Variants in NSUN6 observed in about 807,000 individuals in gnomAD.
The protein encoded by NSUN6 is tRNA (cytosine(72)-C(5))-methyltransferase NSUN6.
NSUN6 carries 64 observed loss-of-function variants against 58.0 expected under a neutral mutation model. That is an observed-to-expected ratio of 1.10 (90% confidence interval 0.90 to 1.36). The LOEUF (loss-of-function observed/expected upper bound fraction) is 1.36. Ranked by LOEUF, NSUN6 falls within the 40% of genes most tolerant of loss-of-function variation. The pLI, the probability that NSUN6 is intolerant of heterozygous loss-of-function variation, is 0.00. For missense variants in NSUN6, 701 were observed against 550.1 expected, an observed-to-expected ratio of 1.27 and a Z score of -2.74; for synonymous variants, 231 against 193.9, an observed-to-expected ratio of 1.19 and a Z score of -1.59.
intron 6 of NSUN6, among the ~76,000 whole-genome samples, chr10:18,604,226 T>C (rs1329664453): frequency 6.6e-6 from 1 of 152,160 alleles, no homozygotes; most frequent in African/African-American, 2.4e-5. Flanking sequence ...AAGTGATAGA[T>C]GACAGGTGAG....
chr10:18,603,447 T>C (rs2057924401), intron 6 of NSUN6, among the ~76,000 whole-genome samples: 1 of 151,994 alleles, frequency 6.6e-6, no homozygotes, highest in Admixed American at 6.6e-5. Context: ...TCCTGAACTA[T>C]ATGCACGCTC....
intron 8 of NSUN6, among the ~76,000 whole-genome samples, chr10:18,578,336 C>T (rs1336312165): frequency 1.3e-5 from 2 of 149,558 alleles, no homozygotes; most frequent in African/African-American, 2.5e-5. Flanking sequence ...TGGGTTCAAG[C>T]GATTCTGCTC....
At chr10:18,604,202 G>C (rs2057961373) in intron 6 of NSUN6, among the ~76,000 whole-genome samples, 1 of 152,112 alleles carries the variant, frequency 6.6e-6, no homozygotes, top group African/African-American at 2.4e-5. Flanking sequence ...AGACTTGTTA[G>C]AAGTATCACT....
intron 3 of NSUN6, among the ~76,000 whole-genome samples, chr10:18,628,997 C>G (rs1020308858): frequency 1.3e-5 from 2 of 152,062 alleles, no homozygotes; most frequent in African/African-American, 4.8e-5. Context: ...TTCAGGGCAG[C>G]CAGAGAGAAA....
At chr10:18,563,996 A>G (rs1056563691) in intron 8 of NSUN6, among the ~76,000 whole-genome samples, 4 of 147,590 alleles carry the variant, frequency 2.7e-5, no homozygotes, top group African/African-American at 1.0e-4. Flanking sequence ...TCCATTCTCC[A>G]TTCCACTGCA....
chr10:18,651,752 C>G (rs920310863), upstream of NSUN6: 9 of 985,392 alleles, frequency 9.1e-6, no homozygotes, highest in African/African-American at 5.2e-5. Flanking sequence ...GTTCCTAACC[C>G]TGCGTGAGGC....
chr10:18,630,902 A>T (rs1189541866), intron 3 of NSUN6, among the ~76,000 whole-genome samples: 1 of 152,054 alleles, frequency 6.6e-6, no homozygotes. Context: ...AACTCATTTT[A>T]TGAGGCCAGC....
chr10:18,645,186 T>A (rs1289098463), intron 2 of NSUN6, among the ~76,000 whole-genome samples: 1 of 151,090 alleles, frequency 6.6e-6, no homozygotes, highest in Non-Finnish European at 1.5e-5. Context: ...AAAGAAAATG[T>A]ATATAAATAC....
intron 6 of NSUN6, among the ~76,000 whole-genome samples, chr10:18,601,520 C>A (rs1204277711): frequency 7.0e-6 from 1 of 141,878 alleles, no homozygotes; most frequent in Non-Finnish European, 1.5e-5. Context: ...AGTAATTTTC[C>A]TAGTGGCTGG....
intron 8 of NSUN6, among the ~76,000 whole-genome samples, chr10:18,575,116 T>A (rs981742954): frequency 7.4e-4 from 113 of 152,250 alleles, no homozygotes; most frequent in African/African-American, 1.9e-3. Flanking sequence ...CTAAACCCCT[T>A]ATGAGGGACG....
At chr10:18,549,343 T>C (rs1179966361) in intron 9 of NSUN6, among the ~76,000 whole-genome samples, 1 of 152,134 alleles carries the variant, frequency 6.6e-6, no homozygotes, top group African/African-American at 2.4e-5. Flanking sequence ...CTCAGAATCT[T>C]TGCAGCAGTT....
At chr10:18,594,557 T>C (rs2057509979) in intron 7 of NSUN6, among the ~76,000 whole-genome samples, 1 of 152,066 alleles carries the variant, frequency 6.6e-6, no homozygotes, top group Admixed American at 6.6e-5. Context: ...CAAGCGATTC[T>C]CCTGCCTCAG....
At chr10:18,586,569 T>C (rs1251687760) in intron 7 of NSUN6, among the ~76,000 whole-genome samples, 4 of 151,370 alleles carry the variant, frequency 2.6e-5, no homozygotes, top group African/African-American at 4.9e-5. Context: ...GTGAGTGTTA[T>C]AGCTGTTCAA....
At chr10:18,593,729 G>A (rs919747439) in intron 7 of NSUN6, among the ~76,000 whole-genome samples, 2 of 152,058 alleles carry the variant, frequency 1.3e-5, no homozygotes, top group Admixed American at 1.3e-4. Flanking sequence ...TAAGGGGAGG[G>A]ATAGCATTAG....
intron 3 of NSUN6, among the ~76,000 whole-genome samples, chr10:18,637,057 G>C (rs2059242026): frequency 6.6e-6 from 1 of 150,510 alleles, no homozygotes; most frequent in Admixed American, 6.6e-5. Flanking sequence ...CCACCTCCTG[G>C]GATCAAGCGA....
At chr10:18,567,424 TCATTCCATGCTCCATTCCATTCCATGCTC>T (rs1564731570) in intron 8 of NSUN6, among the ~76,000 whole-genome samples, 2 of 146,642 alleles carry the variant, frequency 1.4e-5, no homozygotes, top group African/African-American at 5.0e-5. Context: ...ATGCTCCATT[TCATTCCATGCTCCATTCCATTCCATGCTC>T]CATTCCATTC....
chr10:18,599,692 C>T (rs1273594670), intron 6 of NSUN6, among the ~76,000 whole-genome samples: 1 of 152,184 alleles, frequency 6.6e-6, no homozygotes, highest in Non-Finnish European at 1.5e-5. Context: ...GGAAGGCCGC[C>T]ATAGGTGGTA....
intron 3 of NSUN6, among the ~76,000 whole-genome samples, chr10:18,632,771 G>T (rs1165958681): frequency 1.3e-5 from 2 of 152,164 alleles, no homozygotes; most frequent in East Asian, 3.8e-4. Flanking sequence ...TGCTGGAGAG[G>T]ATGTGGAGAA....
intron 5 of NSUN6, among the ~76,000 whole-genome samples, chr10:18,612,760 G>A (rs2058280380): frequency 6.6e-6 from 1 of 152,188 alleles, no homozygotes; most frequent in Admixed American, 6.5e-5. Flanking sequence ...TCAGGTATGA[G>A]ATTACATGTT....
Sources: gnomAD v4.1 joint callset for allele counts (sites outside exome capture counted in the v4.1 genomes callset) on GRCh38, gnomAD v4.1.1 for gene constraint, MANE v1.5 for transcripts, NCBI Gene and HGNC (gene_info 2026-07-23, HGNC 2026-07-21) for gene names.